Variants in USP34 observed in about 807,000 individuals in gnomAD.
The protein encoded by USP34 is ubiquitin carboxyl-terminal hydrolase 34.
USP34 carries 70 observed loss-of-function variants against 460.3 expected under a neutral mutation model. The observed-to-expected ratio is 0.15, with a 90% CI of 0.13 to 0.19. USP34 has a LOEUF of 0.19. Among genes scored for constraint, USP34 ranks in the 10% least tolerant of loss-of-function variants. The pLI, the probability that USP34 is intolerant of heterozygous loss-of-function variation, is 1.00. For synonymous variants in USP34, 1,647 were observed against 1,405.3 expected (o/e 1.17, Z -3.85); for missense variants, 3,985 against 4,236.2 (o/e 0.94, Z 1.65).
At chr2:61,383,482 A>C (rs956382455) in intron 5 of USP34, 146 bp from the exon 6 acceptor site, 15 of 492,066 alleles carry the variant, frequency 3.0e-5, no homozygotes, top group African/African-American at 2.4e-4. Context: ...AGGTGGGCAG[A>C]TCCGAAGGTC....
intron 35 of USP34, among the ~76,000 whole-genome samples, chr2:61,284,046 T>C (rs1572899530): frequency 6.6e-6 from 1 of 152,246 alleles, no homozygotes; most frequent in East Asian, 1.9e-4. Flanking sequence ...AAATATATTG[T>C]ATGTTTCAAA....
rs145864037 is a variant in USP34, at chr2:61,429,952, G to A, written c.44-9119C>T. ...AATTAGGCTGGGCGCGGTGGCTCAC[G>A]CCTGTAATCCCAGCACTTTGGGAGG... On this transcript the variant is annotated intron_variant, in intron 1 of 79. Transcript: ENST00000398571. Among the ~76,000 whole-genome samples the A allele has an allele frequency of 4.9e-3, 748 of 152,204 alleles. 5 individuals are homozygous for A. The highest frequency in any genetic ancestry group is 0.017 in the African/African-American group (701 of 41,542).
rs569398857 is a variant in USP34, at chr2:61,365,689, T to C, written c.1251+4632A>G. Among the ~76,000 whole-genome samples, 3 of 152,214 alleles carry C rather than the reference T, an allele frequency of 2.0e-5. No homozygotes were observed. The East Asian group carries it at 5.8e-4, about 29-fold the overall frequency. ...CAGAGTCACATACCTAAATATAGCA[T>C]AATACTAAACAACTGTGGGAATTAC... On this transcript the variant is annotated intron_variant, in intron 10 of 79. Coordinates refer to ENST00000398571, the MANE Select transcript of USP34 (RefSeq NM_014709.4).
chr2:61,348,948 G>T, intron 13 of USP34, 62 bp from the exon 14 acceptor site: 4 of 1,508,474 alleles, frequency 2.7e-6, no homozygotes, highest in Non-Finnish European at 3.6e-6. Flanking sequence ...TTAACAGAAT[G>T]ACATTATCAT....
chr2:61,241,880 T>C, intron 51 of USP34, 61 bp from the exon 52 acceptor site: 4 of 858,974 alleles, frequency 4.7e-6, no homozygotes, highest in Non-Finnish European at 6.9e-6. Context: ...GCTATATTTA[T>C]ATATAAATTA....
rs766551310 is a variant in USP34, at chr2:61,347,937, T to G, written c.2218A>C (p.Asn740His). 1 of 1,614,020 alleles carries G rather than the reference T, an allele frequency of 6.2e-7. No homozygotes were observed. The highest frequency in any genetic ancestry group is 1.1e-5 in the South Asian group (1 of 91,064). Reference protein sequence around the residue: ...LGETIGNELFNCRQFIGPQHH... With the variant: ...LGETIGNELFHCRQFIGPQHH... ...TGTGGACCAATAAATTGTCGACAAT[T>G]AAATAATTCATTCCCAATAGTCTCC... Residue 740 changes from asparagine (N) to histidine (H), a missense_variant, in exon 15 of 80, where the codon AAT (asparagine) becomes CAT (histidine). Transcript: ENST00000398571.
chr2:61,235,028 TAA>T (rs1327282453), intron 57 of USP34, among the ~76,000 whole-genome samples: 3 of 152,156 alleles, frequency 2.0e-5, no homozygotes, highest in Non-Finnish European at 4.4e-5. Context: ...AAAACTGATT[TAA>T]AAAAAGACTA....
chr2:61,270,639 T>C (rs902917209), intron 41 of USP34, among the ~76,000 whole-genome samples: 1 of 152,120 alleles, frequency 6.6e-6, no homozygotes, highest in Non-Finnish European at 1.5e-5. Context: ...TTTCACCACA[T>C]TGGCCAGGCT....
intron 1 of USP34, among the ~76,000 whole-genome samples, chr2:61,464,180 G>T (rs1042569683): frequency 6.6e-6 from 1 of 152,056 alleles, no homozygotes; most frequent in Non-Finnish European, 1.5e-5. Context: ...TTAGCTGGGC[G>T]TGGTGGCAGG....
At chr2:61,199,660 T>C (rs1480687803) in intron 75 of USP34, among the ~76,000 whole-genome samples, 1 of 152,040 alleles carries the variant, frequency 6.6e-6, no homozygotes, top group East Asian at 1.9e-4. Context: ...TACCACCTAT[T>C]TCCCACCAAT....
chr2:61,356,189 A>T (rs1003117550), intron 10 of USP34, among the ~76,000 whole-genome samples: 10 of 68,704 alleles, frequency 1.5e-4, no homozygotes, highest in South Asian at 5.2e-4. Context: ...TAAAAAAAAA[A>T]AAAAAAAAGT....
rs555720750 is a variant in USP34, at chr2:61,189,959, C to T, written c.9873+312G>A. ...TTAATTGTTTCAGTTACATAGGAGC[C>T]ATAGGCAGTAATAGAAACATCACAA... On this transcript the variant is annotated intron_variant, in intron 78 of 79. Transcript: ENST00000398571. The T allele has an allele frequency of 4.0e-4, 91 of 226,652 alleles. No individual in the cohort carries two copies. The Middle Eastern group carries it at 8.8e-3, about 22-fold the overall frequency. 14.0% of individuals were successfully genotyped at this position (226,652 alleles called of 1,614,324 possible).
chr2:61,340,112 AAACT>A (rs1318167096), intron 16 of USP34, among the ~76,000 whole-genome samples: 3 of 152,000 alleles, frequency 2.0e-5, no homozygotes, highest in Non-Finnish European at 4.4e-5. Flanking sequence ...TAAATACTTG[AAACT>A]AAGTGTGAAT....
chr2:61,337,438 G>A (rs190862333), intron 18 of USP34, among the ~76,000 whole-genome samples: 4 of 151,374 alleles, frequency 2.6e-5, no homozygotes, highest in East Asian at 3.9e-4. Context: ...CAAAGAATAC[G>A]TAGTTATGTT....
intron 48 of USP34, among the ~76,000 whole-genome samples, chr2:61,249,618 C>G (rs72811476): frequency 0.036 from 5,438 of 152,280 alleles, 148 homozygotes; most frequent in Non-Finnish European, 0.055. Context: ...CAGCAGCACT[C>G]CTGCTCGCCC....
At position 61,288,594 on chromosome 2, in the gene USP34, T is replaced by A. The variant is rs1014908011; in HGVS notation, c.4749+83A>T. The A allele has an allele frequency of 1.3e-4, 183 of 1,410,622 alleles. No individual in the cohort carries two copies. The Admixed American group carries it at 3.1e-3, about 24-fold the overall frequency. 87.4% of individuals were successfully genotyped at this position (1,410,622 alleles called of 1,614,324 possible). Reference sequence around the variant, plus strand: ...CAGGTTAAGTCACAGTAATCTAGAATACATTTCTTAAGCATTAGCATATTT... The same window carrying A: ...CAGGTTAAGTCACAGTAATCTAGAAAACATTTCTTAAGCATTAGCATATTT... On this transcript the variant is annotated intron_variant, in intron 34 of 79. Transcript: ENST00000398571.
At chr2:61,189,508 C>G (rs1317108651) in intron 78 of USP34, 2 of 154,106 alleles carry the variant, frequency 1.3e-5, no homozygotes, top group Non-Finnish European at 1.4e-5. Context: ...ATCTCCTGAC[C>G]TCGTTATCCA....
intron 16 of USP34, among the ~76,000 whole-genome samples, chr2:61,342,296 C>CT (rs34298126): frequency 0.16 from 15,577 of 95,018 alleles, 1,898 homozygotes; most frequent in African/African-American, 0.31. Flanking sequence ...TGGCCGTTTC[C>CT]TTTTTTTTTT....
At chr2:61,437,686 T>C (rs1301228125) in intron 1 of USP34, among the ~76,000 whole-genome samples, 1 of 151,926 alleles carries the variant, frequency 6.6e-6, no homozygotes, top group Non-Finnish European at 1.5e-5. Flanking sequence ...GGCAGGAGAA[T>C]GGCTTGAACA....
Sources: gnomAD v4.1 joint callset for allele counts (sites outside exome capture counted in the v4.1 genomes callset) on GRCh38, gnomAD v4.1.1 for gene constraint, MANE v1.5 for transcripts, NCBI Gene and HGNC (gene_info 2026-07-23, HGNC 2026-07-21) for gene names.